ESRRG: variants seen among roughly 807,000 people sequenced by gnomAD.
The protein encoded by ESRRG is estrogen related receptor gamma, also known as estrogen-related receptor gamma.
ESRRG carries 13 observed loss-of-function variants against 44.0 expected under a neutral mutation model. That is an observed-to-expected ratio of 0.30 (90% CI 0.19 to 0.47). The LOEUF (loss-of-function observed/expected upper bound fraction) is 0.47, where lower values mean the gene tolerates loss of function less well. Ranked by LOEUF, ESRRG falls within the 20% of genes least tolerant of loss-of-function variation. The pLI is 1.00. For synonymous variants in ESRRG, 215 were observed against 214.6 expected (o/e 1.00, Z -0.02); for missense variants, 395 against 580.6 (o/e 0.68, Z 3.29).
At position 216,965,543 on chromosome 1, in the gene ESRRG, C is replaced by T. The variant is rs955334768; in HGVS notation, c.-105-25870G>A. Among the ~76,000 whole-genome samples, 4 of 152,136 alleles carry T rather than the reference C, an allele frequency of 2.6e-5. No homozygotes were observed. In the South Asian group the frequency reaches 6.2e-4, roughly 24 times the overall value. ...TCCATGGTATGGCCGAGGGGACATG[C>T]CCATCTAGAGCCTATGCCCGTCTTC... On this transcript the variant is annotated intron_variant, in intron 1 of 7. Coordinates refer to the ESRRG transcript ENST00000359162.
intron 1 of ESRRG, among the ~76,000 whole-genome samples, chr1:217,082,774 T>C (rs570823053): frequency 6.6e-6 from 1 of 152,284 alleles, no homozygotes; most frequent in African/African-American, 2.4e-5. Flanking sequence ...TATCTCCATT[T>C]TTCCTCACTC....
At chr1:216,696,352 T>C (rs1184950471) in intron 1 of ESRRG, among the ~76,000 whole-genome samples, 1 of 152,214 alleles carries the variant, frequency 6.6e-6, no homozygotes. Context: ...ACTGTAGACA[T>C]ACGTATGTTT....
rs541439069 is a variant in ESRRG, at chr1:216,872,073, G to A, written c.-14+67509C>T. On this transcript the variant is annotated intron_variant, in intron 2 of 7. Coordinates refer to the ESRRG transcript ENST00000359162. ...TTCATTTCTCAGCAGTATTTTTGCT[G>A]AATATAGAATTCTGGTTTGGCAGTT... is the stretch of plus-strand genomic sequence containing the variant. Among the ~76,000 whole-genome samples, 18 of 152,164 alleles carry A rather than the reference G, an allele frequency of 1.2e-4. No homozygotes were observed. The South Asian group carries it at 3.3e-3, about 28-fold the overall frequency.
intron 2 of ESRRG, among the ~76,000 whole-genome samples, chr1:216,735,369 T>TAA (rs59778975): frequency 2.7e-3 from 387 of 145,840 alleles, no homozygotes; most frequent in African/African-American, 9.1e-3. Flanking sequence ...CCCAGCTAAT[T>TAA]AAAAAAAAAA....
intron 3 of ESRRG, among the ~76,000 whole-genome samples, chr1:216,621,522 G>A (rs1299537132): frequency 6.6e-6 from 1 of 152,148 alleles, no homozygotes; most frequent in Non-Finnish European, 1.5e-5. Context: ...TAGAAGAAAG[G>A]ATTCCTTCTG....
At chr1:217,033,488 T>C (rs1277104990) in intron 1 of ESRRG, among the ~76,000 whole-genome samples, 2 of 152,204 alleles carry the variant, frequency 1.3e-5, no homozygotes, top group Non-Finnish European at 2.9e-5. Context: ...TGATTAATGT[T>C]TGGATGTCTT....
chr1:217,000,420 T>C (rs998459962), intron 1 of ESRRG: 1 of 152,200 alleles, frequency 6.6e-6, no homozygotes, highest in African/African-American at 2.4e-5. Context: ...TTATGTGGCA[T>C]TCTCCCCTTG....
intron 1 of ESRRG, among the ~76,000 whole-genome samples, chr1:216,698,197 T>C (rs1339383297): frequency 3.9e-5 from 6 of 152,148 alleles, no homozygotes; most frequent in African/African-American, 1.4e-4. Flanking sequence ...CAATGTTACA[T>C]ATTAGCTAAC....
At chr1:216,969,448 C>G (rs899550199) in intron 1 of ESRRG, among the ~76,000 whole-genome samples, 1 of 151,766 alleles carries the variant, frequency 6.6e-6, no homozygotes, top group African/African-American at 2.4e-5. Context: ...ATAGGTAAAC[C>G]TATTTTATGT....
chr1:216,923,592 G>A (rs138745154), intron 2 of ESRRG, among the ~76,000 whole-genome samples: 120 of 151,960 alleles, frequency 7.9e-4, no homozygotes, highest in Middle Eastern at 3.4e-3. Context: ...TGGTGGAGTC[G>A]GCAGATCCGA....
chr1:216,612,766 T>G (rs183344745), intron 3 of ESRRG, among the ~76,000 whole-genome samples: 17 of 152,336 alleles, frequency 1.1e-4, no homozygotes, highest in African/African-American at 3.4e-4. Context: ...AAAAGCTCAG[T>G]GATGTTTACC....
At position 216,780,948 on chromosome 1, in the gene ESRRG, A is replaced by G. The variant is rs530060496; in HGVS notation, c.-13-103457T>C. Among the ~76,000 whole-genome samples the G allele has an allele frequency of 2.6e-5, 4 of 152,192 alleles. No homozygotes were observed. In the South Asian group the frequency reaches 8.3e-4, roughly 32 times the overall value. On this transcript the variant is annotated intron_variant, in intron 2 of 7. Coordinates refer to the ESRRG transcript ENST00000359162. ...ATTTATTTATCAACAACATATATGG[A>G]TCCTGTACCTTTCTACTTTGGCGCT...
At chr1:216,719,586 A>G (rs1356230141) in intron 1 of ESRRG, among the ~76,000 whole-genome samples, 1 of 152,070 alleles carries the variant, frequency 6.6e-6, no homozygotes, top group Non-Finnish European at 1.5e-5. Context: ...TAGCATTTTT[A>G]AAAGCTGAGT....
intron 1 of ESRRG, among the ~76,000 whole-genome samples, chr1:217,050,480 C>G (rs1002659329): frequency 6.6e-6 from 1 of 152,174 alleles, no homozygotes; most frequent in Admixed American, 6.5e-5. Context: ...TGAGTGAAGA[C>G]TTACCTGGAG....
At chr1:216,935,431 T>C (rs11590766) in intron 2 of ESRRG, among the ~76,000 whole-genome samples, 54,399 of 151,964 alleles carry the variant, frequency 0.36, 10,656 homozygotes, top group Middle Eastern at 0.5. Flanking sequence ...GTTTATTATA[T>C]TTATAAGGGA....
At chr1:216,724,228 A>G (rs2087008903), upstream of ESRRG, among the ~76,000 whole-genome samples, 1 of 152,140 alleles carries the variant, frequency 6.6e-6, no homozygotes, top group Non-Finnish European at 1.5e-5. Flanking sequence ...TACAACGCAT[A>G]GCTTTTCAAA....
chr1:216,535,133 C>A (rs180739283), intron 5 of ESRRG, among the ~76,000 whole-genome samples: 1 of 152,210 alleles, frequency 6.6e-6, no homozygotes, highest in East Asian at 1.9e-4. Flanking sequence ...ATCAAGTCTC[C>A]AGAAAGCACA....
At chr1:216,689,437 G>A (rs9804029) in intron 1 of ESRRG, among the ~76,000 whole-genome samples, 9,019 of 152,126 alleles carry the variant, frequency 0.059, 859 homozygotes, top group African/African-American at 0.2. Context: ...TGGAGAGACT[G>A]TGATATAAAA....
intron 1 of ESRRG, among the ~76,000 whole-genome samples, chr1:216,976,003 T>C (rs1398912899): frequency 6.6e-6 from 1 of 152,094 alleles, no homozygotes; most frequent in Non-Finnish European, 1.5e-5. Context: ...CTTCTAAATG[T>C]CCATGAGCTT....
Sources: gnomAD v4.1 joint callset for allele counts (sites outside exome capture counted in the v4.1 genomes callset) on GRCh38, gnomAD v4.1.1 for gene constraint, MANE v1.5 for transcripts, NCBI Gene and HGNC (gene_info 2026-07-23, HGNC 2026-07-21) for gene names.